The following KLHL1 variants were observed in gnomAD, a reference collection of about 807,000 sequenced individuals.
The protein encoded by KLHL1 is kelch-like protein 1.
Under a neutral mutation model 77.7 loss-of-function variants are expected in KLHL1, and 47 were observed. The ratio of observed to expected loss-of-function variants is 0.60; its 90% CI spans 0.48 to 0.77. The LOEUF (loss-of-function observed/expected upper bound fraction) is 0.77. Ranked by LOEUF, KLHL1 falls within the 30% of genes least tolerant of loss-of-function variation. KLHL1 has a pLI of 0.00. For missense variants in KLHL1, 925 were observed against 910.8 expected (o/e 1.02, Z -0.20); for synonymous variants, 360 against 325.2 (o/e 1.11, Z -1.15).
chr13:69,813,503 C>CACACACACACACACACACATATAT (rs34163072), intron 6 of KLHL1, among the ~76,000 whole-genome samples: 12 of 148,926 alleles, frequency 8.1e-5, no homozygotes, highest in African/African-American at 2.5e-4. Flanking sequence ...CACACACACA[C>CACACACACACACACACACATATAT]ATATATATAT....
intron 5 of KLHL1, among the ~76,000 whole-genome samples, chr13:69,880,827 C>A (rs1027291183): frequency 4.6e-5 from 7 of 152,128 alleles, no homozygotes; most frequent in African/African-American, 1.4e-4. Flanking sequence ...TCCAAACTCC[C>A]CACATTTCAA....
At chr13:69,897,316 G>A (rs540200684) in intron 4 of KLHL1, among the ~76,000 whole-genome samples, 23 of 152,066 alleles carry the variant, frequency 1.5e-4, no homozygotes, top group Non-Finnish European at 2.9e-4. Context: ...ATGGTCCCTT[G>A]GCAATGTGTC....
At chr13:69,809,351 A>G (rs373073963) in intron 6 of KLHL1, among the ~76,000 whole-genome samples, 11 of 152,148 alleles carry the variant, frequency 7.2e-5, no homozygotes, top group African/African-American at 2.7e-4. Context: ...CAGACTAACA[A>G]CATATTTCTC....
chr13:69,767,455 C>T (rs370469260), intron 7 of KLHL1, among the ~76,000 whole-genome samples: 11 of 151,970 alleles, frequency 7.2e-5, no homozygotes, highest in African/African-American at 2.7e-4. Context: ...CCAGCACTTT[C>T]GGAGGCTGAG....
intron 4 of KLHL1, among the ~76,000 whole-genome samples, chr13:69,890,834 T>C (rs1055520033): frequency 6.6e-6 from 1 of 152,062 alleles, no homozygotes; most frequent in Non-Finnish European, 1.5e-5. Flanking sequence ...TTAGAAATGA[T>C]AAAACAACAA....
intron 1 of KLHL1, among the ~76,000 whole-genome samples, chr13:70,095,448 A>C (rs893865015): frequency 2.0e-5 from 3 of 152,188 alleles, no homozygotes; most frequent in African/African-American, 7.2e-5. Flanking sequence ...GGATTAAACT[A>C]AGTCTGGGAT....
chr13:69,976,830 G>C (rs1456421979), intron 1 of KLHL1, among the ~76,000 whole-genome samples: 1 of 152,024 alleles, frequency 6.6e-6, no homozygotes, highest in Non-Finnish European at 1.5e-5. Context: ...AGGCAATCAG[G>C]ACTTAGAAAG....
At chr13:69,924,364 T>C (rs1882744106) in intron 4 of KLHL1, among the ~76,000 whole-genome samples, 1 of 152,112 alleles carries the variant, frequency 6.6e-6, no homozygotes, top group Non-Finnish European at 1.5e-5. Context: ...GCAATCAGCA[T>C]TCACTTCTTC....
intron 4 of KLHL1, chr13:69,894,903 C>A: frequency 7.5e-6 from 3 of 401,028 alleles, no homozygotes; most frequent in South Asian, 6.6e-5. Context: ...TGGCATGCAC[C>A]TTGCGGTTGA....
intron 4 of KLHL1, among the ~76,000 whole-genome samples, chr13:69,896,882 A>G (rs1380143420): frequency 6.6e-6 from 1 of 151,952 alleles, no homozygotes; most frequent in Non-Finnish European, 1.5e-5. Context: ...CATATTGGCC[A>G]GGCTGGTCTC....
At chr13:69,902,644 A>G (rs2138229156) in intron 4 of KLHL1, among the ~76,000 whole-genome samples, 1 of 152,148 alleles carries the variant, frequency 6.6e-6, no homozygotes, top group African/African-American at 2.4e-5. Flanking sequence ...TTCTCAGCAA[A>G]CTATCGCAAG....
intron 4 of KLHL1, among the ~76,000 whole-genome samples, chr13:69,930,869 G>T (rs986719516): frequency 6.6e-6 from 1 of 151,546 alleles, no homozygotes; most frequent in African/African-American, 2.4e-5. Flanking sequence ...GTCTATTTAT[G>T]TATGTAAATT....
chr13:69,985,818 A>T (rs1343410033), intron 1 of KLHL1, among the ~76,000 whole-genome samples: 2 of 146,800 alleles, frequency 1.4e-5, no homozygotes, highest in African/African-American at 5.0e-5. Context: ...TATATTATAT[A>T]TTATATATAT....
At chr13:69,728,807 CAAAAAA>C (rs1018970464) in intron 8 of KLHL1, among the ~76,000 whole-genome samples, 2 of 147,082 alleles carry the variant, frequency 1.4e-5, no homozygotes, top group Non-Finnish European at 3.0e-5. Flanking sequence ...GACTCCATCT[CAAAAAA>C]AAAATTATTA....
At chr13:69,763,475 G>A (rs1566224957) in intron 7 of KLHL1, among the ~76,000 whole-genome samples, 1 of 152,158 alleles carries the variant, frequency 6.6e-6, no homozygotes, top group Admixed American at 6.6e-5. Flanking sequence ...CTCAAAAGTT[G>A]TTAATGTTTA....
intron 4 of KLHL1, among the ~76,000 whole-genome samples, chr13:69,939,168 G>A (rs1015361738): frequency 1.3e-5 from 2 of 150,792 alleles, no homozygotes; most frequent in African/African-American, 4.9e-5. Context: ...TTCTAGGATA[G>A]GTAATATGAT....
chr13:69,824,992 T>A (rs1032123737), intron 6 of KLHL1, among the ~76,000 whole-genome samples: 1 of 151,862 alleles, frequency 6.6e-6, no homozygotes, highest in African/African-American at 2.4e-5. Context: ...GTTTTCAATT[T>A]TGAAATGCAT....
chr13:70,071,072 C>T (rs1295479248), intron 1 of KLHL1, among the ~76,000 whole-genome samples: 1 of 151,934 alleles, frequency 6.6e-6, no homozygotes, highest in Admixed American at 6.6e-5. Context: ...TTAATAATCA[C>T]TTTAAATATG....
intron 5 of KLHL1, among the ~76,000 whole-genome samples, chr13:69,875,085 C>T (rs112285917): frequency 0.018 from 2,718 of 152,086 alleles, 37 homozygotes; most frequent in Middle Eastern, 0.044. Flanking sequence ...AAATTAGCAA[C>T]GACAGTTGAG....
Sources: allele counts gnomAD v4.1 joint callset (sites outside exome capture counted in the v4.1 genomes callset), GRCh38; gene constraint gnomAD v4.1.1; transcripts MANE v1.5; gene names NCBI Gene and HGNC (gene_info 2026-07-23, HGNC 2026-07-21).